Variants in BTBD9 observed in about 807,000 individuals in gnomAD.
BTBD9 encodes the protein BTB domain containing 9.
A neutral mutation model predicts 64.3 loss-of-function variants in BTBD9; 49 were observed. The observed-to-expected ratio is 0.76, with a 90% confidence interval of 0.61 to 0.97. BTBD9 has a LOEUF of 0.97. Among genes scored for constraint, BTBD9 ranks in the 50% least tolerant of loss-of-function variants. The pLI is 0.00. For missense variants in BTBD9, 598 were observed against 762.1 expected, an observed-to-expected ratio of 0.78 and a Z score of 2.53; for synonymous variants, 260 against 274.7, an observed-to-expected ratio of 0.95 and a Z score of 0.53.
At chr6:38,545,421 G>C (rs994397755) in intron 6 of BTBD9, among the ~76,000 whole-genome samples, 3 of 152,172 alleles carry the variant, frequency 2.0e-5, no homozygotes, top group Admixed American at 2.0e-4. Context: ...TCTGGGTTTA[G>C]ATAGCGGCGA....
rs757147253 is a variant in BTBD9 at position 38,587,332 on chromosome 6, C to G, written c.814+5244G>C. 11 of 446,812 alleles carry G rather than the reference C, an allele frequency of 2.5e-5. 1 individual carries two copies. The highest frequency in any genetic ancestry group is 1.2e-4 in the African/African-American group (6 of 48,634). 27.7% of individuals were successfully genotyped at this position (446,812 alleles called of 1,614,324 possible). On this transcript the variant is annotated intron_variant, in intron 4 of 10. Transcript: ENST00000481247. ...CATCCTGGAGTCCACCATGAACAGACAGTTGGACCTAAGTGGGAAGGTAAT... is the reference window on the plus strand; with the variant it reads ...CATCCTGGAGTCCACCATGAACAGAGAGTTGGACCTAAGTGGGAAGGTAAT...
intron 9 of BTBD9, among the ~76,000 whole-genome samples, chr6:38,197,232 G>T (rs1274426155): frequency 6.6e-6 from 1 of 152,184 alleles, no homozygotes; most frequent in African/African-American, 2.4e-5. Flanking sequence ...CAGGCAATCT[G>T]AATCCCATTT....
chr6:38,510,482 T>TC (rs1772727761), intron 6 of BTBD9, among the ~76,000 whole-genome samples: 1 of 152,216 alleles, frequency 6.6e-6, no homozygotes, highest in African/African-American at 2.4e-5. Context: ...ACTTTATAAA[T>TC]ACTGTGCACT....
intron 6 of BTBD9, among the ~76,000 whole-genome samples, chr6:38,471,957 T>C (rs1582485508): frequency 6.6e-6 from 1 of 152,340 alleles, no homozygotes; most frequent in East Asian, 1.9e-4. Flanking sequence ...CAGGCCTCTA[T>C]AAGCCAGTTA....
intron 7 of BTBD9, among the ~76,000 whole-genome samples, chr6:38,328,451 A>G (rs527769085): frequency 2.0e-5 from 3 of 152,282 alleles, no homozygotes; most frequent in East Asian, 1.9e-4. Flanking sequence ...GGCCATTTAC[A>G]TGCCAAGGAG....
intron 6 of BTBD9, among the ~76,000 whole-genome samples, chr6:38,383,418 T>C (rs1766021609): frequency 2.6e-5 from 4 of 152,204 alleles, no homozygotes; most frequent in South Asian, 4.1e-4. Flanking sequence ...TTCTCAGTGG[T>C]AAAATGATAG....
At chr6:38,411,783 A>G (rs1320954413) in intron 6 of BTBD9, among the ~76,000 whole-genome samples, 3 of 152,070 alleles carry the variant, frequency 2.0e-5, no homozygotes, top group African/African-American at 7.2e-5. Context: ...AAAAAACATT[A>G]AAAGTCAGCC....
intron 7 of BTBD9, among the ~76,000 whole-genome samples, chr6:38,299,443 C>T (rs1762299970): frequency 6.6e-6 from 1 of 152,216 alleles, no homozygotes; most frequent in South Asian, 2.1e-4. Flanking sequence ...CTGACTTCCA[C>T]AATGGTTGAA....
intron 6 of BTBD9, among the ~76,000 whole-genome samples, chr6:38,377,232 A>G (rs941538237): frequency 6.6e-6 from 1 of 152,222 alleles, no homozygotes; most frequent in Non-Finnish European, 1.5e-5. Context: ...GCTGAAGTTT[A>G]TTATATAACT....
chr6:38,530,955 T>A (rs1773774806), intron 6 of BTBD9, among the ~76,000 whole-genome samples: 1 of 151,518 alleles, frequency 6.6e-6, no homozygotes, highest in Admixed American at 6.6e-5. Context: ...AGAAAATAAT[T>A]CAAAAAAGAA....
At chr6:38,382,136 G>A (rs1205804984) in intron 6 of BTBD9, among the ~76,000 whole-genome samples, 2 of 152,156 alleles carry the variant, frequency 1.3e-5, no homozygotes, top group African/African-American at 4.8e-5. Flanking sequence ...GGAAGCTGCT[G>A]CAGTAAGAGA....
chr6:38,577,771 A>G (rs1472099207), intron 5 of BTBD9, 52 bp from the exon 6 acceptor site: 1 of 1,501,322 alleles, frequency 6.7e-7, no homozygotes, highest in African/African-American at 1.4e-5. Context: ...AAAAAACAAT[A>G]CAAAGCTGTA....
chr6:38,488,643 T>A (rs1198333376), intron 6 of BTBD9, among the ~76,000 whole-genome samples: 1 of 152,138 alleles, frequency 6.6e-6, no homozygotes, highest in Non-Finnish European at 1.5e-5. Flanking sequence ...TTTTAAAACG[T>A]CAGACGAAAA....
intron 1 of BTBD9, among the ~76,000 whole-genome samples, chr6:38,607,040 G>C (rs78154027): frequency 0.016 from 2,371 of 152,164 alleles, 44 homozygotes; most frequent in African/African-American, 0.053. Context: ...CTTCAGACTA[G>C]GTAAAATATG....
In BTBD9 at chr6:38,364,134, TA is replaced by T. The variant is rs372934937; in HGVS notation, c.1155-19042del. ...TGAACTAGAGAACCTAATGTAGCAT[TA>T]AAAAAAAATCACATTCATTGGTGCC... On this transcript the variant is annotated intron_variant, in intron 6 of 10. Transcript: ENST00000481247. 3.5e-4 allele frequency among the ~76,000 whole-genome samples: 53 copies of T among 151,374 alleles called. No homozygotes were observed. The East Asian group carries it at 9.1e-3, about 26-fold the overall frequency.
chr6:38,335,996 A>G (rs1232797349), intron 7 of BTBD9, among the ~76,000 whole-genome samples: 1 of 152,154 alleles, frequency 6.6e-6, no homozygotes, highest in African/African-American at 2.4e-5. Flanking sequence ...TCAGCCTCCC[A>G]AACTGCTGTG....
At chr6:38,491,945 T>C (rs1195618421) in intron 6 of BTBD9, among the ~76,000 whole-genome samples, 2 of 152,166 alleles carry the variant, frequency 1.3e-5, no homozygotes, top group East Asian at 1.9e-4. Flanking sequence ...AGAGTAACTT[T>C]CCTTTTCCAA....
intron 6 of BTBD9, among the ~76,000 whole-genome samples, chr6:38,428,747 C>T (rs1454431773): frequency 6.8e-6 from 1 of 147,212 alleles, no homozygotes; most frequent in Non-Finnish European, 1.5e-5. Flanking sequence ...GAGTCTCACT[C>T]TGTTGCCCAG....
chr6:38,442,396 G>C (rs1018828173), intron 6 of BTBD9, among the ~76,000 whole-genome samples: 2 of 151,968 alleles, frequency 1.3e-5, no homozygotes, highest in African/African-American at 4.8e-5. Flanking sequence ...CTTGAACCTG[G>C]GAGGCGGAGG....
Sources: allele counts gnomAD v4.1 joint callset (sites outside exome capture counted in the v4.1 genomes callset), GRCh38; gene constraint gnomAD v4.1.1; transcripts MANE v1.5; gene names NCBI Gene and HGNC (gene_info 2026-07-23, HGNC 2026-07-21).